Variants in CD4 observed in about 807,000 individuals in gnomAD.
CD4 encodes the protein CD4 molecule.
In CD4, 25 loss-of-function variants were observed where a neutral mutation model predicts 50.5. The observed-to-expected ratio is 0.49, with a 90% CI of 0.36 to 0.69. CD4 has a LOEUF of 0.69. Ranked by LOEUF, CD4 falls within the 30% of genes least tolerant of loss-of-function variation. CD4 has a pLI of 0.00. For synonymous variants in CD4, 207 were observed against 221.9 expected (o/e 0.93, Z 0.60); for missense variants, 456 against 548.5 (o/e 0.83, Z 1.68).
At chr12:6,807,474 A>G (rs1942799231) in intron 3 of CD4, among the ~76,000 whole-genome samples, 1 of 152,222 alleles carries the variant, frequency 6.6e-6, no homozygotes, top group Non-Finnish European at 1.5e-5. Context: ...AAAAGGTAAT[A>G]TACTGTATTA....
chr12:6,813,950 G>A (rs2137911555), intron 3 of CD4, 192 bp from the exon 4 acceptor site: 1 of 531,654 alleles, frequency 1.9e-6, no homozygotes, highest in Non-Finnish European at 3.4e-6. Flanking sequence ...TTGTATTTGT[G>A]AGCTACTGTC....
chr12:6,794,794 T>G (rs1050493372), intron 1 of CD4, among the ~76,000 whole-genome samples: 18 of 140,624 alleles, frequency 1.3e-4, no homozygotes, highest in Admixed American at 6.4e-4. Context: ...TTGTTTTTTT[T>G]TTTTTTTTGA....
In CD4 at chr12:6,800,475, G is replaced by A. The variant is rs2137860160; in HGVS notation, c.214+4G>A. The stretch of plus-strand genomic sequence containing the variant: ...CAGGGCTCCTTCTTAACTAAAGGTA[G>A]GGTTGCCTGGCTCCCCATCCAGGGA... On this transcript the variant is annotated splice_donor_region_variant and intron_variant, in intron 3 of 9. Coordinates refer to ENST00000011653, the MANE Select transcript of CD4 (RefSeq NM_000616.5). The A allele has an allele frequency of 1.2e-6, 2 of 1,610,168 alleles. No homozygotes were observed. The highest frequency in any genetic ancestry group is 2.7e-5 in the African/African-American group (2 of 74,752).
intron 3 of CD4, among the ~76,000 whole-genome samples, chr12:6,804,929 T>C (rs868915294): frequency 6.8e-6 from 1 of 148,126 alleles, no homozygotes; most frequent in Non-Finnish European, 1.5e-5. Context: ...GGCAGGAGAA[T>C]GGCGTGAACC....
At position 6,820,314 on chromosome 12, in the gene CD4, A is replaced by T. The variant is rs781782957; in HGVS notation, c.*985A>T. ...CCCGCTGGTGGCAGAATCTGTTACC[A>T]GAGGACAAAGCCTTTGGCTCTTCTA... On this transcript the variant is annotated 3_prime_UTR_variant, in exon 10 of 10. Coordinates refer to ENST00000011653, the MANE Select transcript of CD4 (RefSeq NM_000616.5). 2.0e-5 allele frequency: 3 copies of T among 152,398 alleles called. No individual in the cohort carries two copies. Among genetic ancestry groups the T allele is most frequent in the Admixed American group, 2.0e-4 (3 of 15,306 alleles). The allele number at this position is 152,398 out of a possible 1,614,324, so 9.4% of individuals were successfully genotyped here.
At chr12:6,793,700 C>T (rs1454391256) in intron 1 of CD4, among the ~76,000 whole-genome samples, 3 of 17,956 alleles carry the variant, frequency 1.7e-4, no homozygotes, top group Admixed American at 5.0e-4. Flanking sequence ...ATCTATCTAT[C>T]TATCTTTTTT....
chr12:6,813,795 G>C (rs1237992815), intron 3 of CD4, among the ~76,000 whole-genome samples: 1 of 152,138 alleles, frequency 6.6e-6, no homozygotes, highest in Non-Finnish European at 1.5e-5. Flanking sequence ...ATCTCTCTGA[G>C]TCTCAGTTTC....
In CD4 at chr12:6,816,435, G is replaced by C; in HGVS notation, c.955+32G>C. On this transcript the variant is annotated intron_variant, in intron 6 of 9. Coordinates refer to ENST00000011653, the MANE Select transcript of CD4 (RefSeq NM_000616.5). The surrounding 1 kb of genome is among the most constrained non-coding windows in gnomAD (Gnocchi z 4.9). The stretch of plus-strand genomic sequence containing the variant: ...GGCCAGGCCAGGGAGGGGTGGGCAG[G>C]GGAAGGAGTTGGAGGGGCCTGGCCC... 2 of 1,549,892 alleles carry C rather than the reference G, an allele frequency of 1.3e-6. No homozygotes were observed. The highest frequency in any genetic ancestry group is 1.8e-6 in the Non-Finnish European group (2 of 1,137,402).
In CD4 at chr12:6,818,863, T is replaced by C; in HGVS notation, c.1295T>C (p.Met432Thr). ...CRHRRRQAER[M>T]SQIKRLLSEK... is the part of the protein sequence containing the mutation. ...CCTGGACAGCGCCAAGCAGAGCGGA[T>C]GTCTCAGATCAAGAGACTCCTCAGT... Residue 432 changes from methionine (M) to threonine (T), a missense_variant, in exon 9 of 10, where the codon ATG becomes ACG. Met to Thr is a moderately conservative substitution (Grantham distance 81, BLOSUM62 -1). Transcript: ENST00000011653. The surrounding 1 kb of genome is among the most constrained non-coding windows in gnomAD (Gnocchi z 5.0). 6.2e-7 allele frequency: 1 copy of C among 1,613,008 alleles called. No homozygotes were observed. The highest frequency in any genetic ancestry group is 2.2e-5 in the East Asian group (1 of 44,810).
intron 5 of CD4, 114 bp from the exon 6 acceptor site, chr12:6,815,942 G>T: frequency 2.0e-6 from 3 of 1,534,660 alleles, no homozygotes; most frequent in Non-Finnish European, 2.6e-6. Flanking sequence ...CAAGGTGGGT[G>T]TCTGGACTCG....
intron 1 of CD4, among the ~76,000 whole-genome samples, chr12:6,795,117 T>TATCTATC (rs1223406386): frequency 6.6e-6 from 1 of 151,832 alleles, no homozygotes; most frequent in Non-Finnish European, 1.5e-5. Flanking sequence ...TCTATCTATC[T>TATCTATC]ATCTATCTAT....
At position 6,818,315 on chromosome 12, in the gene CD4, C is replaced by A; in HGVS notation, c.1157-106C>A. ...CAGGCACCCCTCCCCTCTCCCCCAA[C>A]CCCAGGGTCAAACCAGAGACTGGCC... is the stretch of plus-strand genomic sequence containing the variant. On this transcript the variant is annotated intron_variant, in intron 7 of 9. Coordinates refer to ENST00000011653, the MANE Select transcript of CD4 (RefSeq NM_000616.5). The surrounding 1 kb of genome is among the most constrained non-coding windows in gnomAD (Gnocchi z 5.0). 1.3e-5 allele frequency: 18 copies of A among 1,437,386 alleles called. No individual in the cohort carries two copies. The highest frequency in any genetic ancestry group is 2.3e-5 in the East Asian group (1 of 43,246). 89.0% of individuals were successfully genotyped at this position (1,437,386 alleles called of 1,614,324 possible).
chr12:6,797,923 GA>G (rs1942419853), intron 1 of CD4, among the ~76,000 whole-genome samples: 1 of 152,094 alleles, frequency 6.6e-6, no homozygotes, highest in South Asian at 2.1e-4. Context: ...CAACCGAATA[GA>G]GGCCTTCCTC....
At chr12:6,801,767 A>T (rs11837225) in intron 3 of CD4, among the ~76,000 whole-genome samples, 1 of 149,564 alleles carries the variant, frequency 6.7e-6, no homozygotes, top group Non-Finnish European at 1.5e-5. Context: ...TCACGGTGTT[A>T]GCCAGGCTGG....
chr12:6,797,028 C>T (rs924153745), intron 1 of CD4, among the ~76,000 whole-genome samples: 9 of 152,248 alleles, frequency 5.9e-5, no homozygotes, highest in Middle Eastern at 3.4e-3. Flanking sequence ...CAAACTTGAG[C>T]GTGATCAGTT....
rs782602611 is a variant in CD4 at position 6,800,350 on chromosome 12, C to T, written c.93C>T (p.Gly31=). ...AATQGKKVVL[G]KKGDTVELTC... ...CTCAGGGAAAGAAAGTGGTGCTGGG[C>T]AAAAAAGGGGATACAGTGGAACTGA... The change falls in exon 3 of 10, where the codon GGC becomes GGT. Residue 31 remains glycine (G), a synonymous_variant. Coordinates refer to ENST00000011653, the MANE Select transcript of CD4 (RefSeq NM_000616.5). 3.1e-6 allele frequency: 5 copies of T among 1,608,052 alleles called. No homozygotes were observed. The African/African-American group carries it at 6.7e-5, about 22-fold the overall frequency.
intron 1 of CD4, chr12:6,799,204 A>C (rs1232156959): frequency 2.6e-5 from 4 of 152,246 alleles, no homozygotes; most frequent in Non-Finnish European, 5.9e-5. Context: ...GCAAAGCAGC[A>C]AAAGTTTATT....
At chr12:6,790,068 G>T (rs1942109204) in intron 1 of CD4, among the ~76,000 whole-genome samples, 1 of 152,024 alleles carries the variant, frequency 6.6e-6, no homozygotes, top group African/African-American at 2.4e-5. Context: ...TGAAGAAGGG[G>T]AGGGAAAAAA....
chr12:6,807,725 T>C lies in CD4; in HGVS notation c.215-6417T>C, dbSNP rs150689076. ...CAGAGTAAACTGGATAGAGGGCACATAGGATTTCTCTGTATTACTTCTTAC... is the reference window on the plus strand; with the variant it reads ...CAGAGTAAACTGGATAGAGGGCACACAGGATTTCTCTGTATTACTTCTTAC... On this transcript the variant is annotated intron_variant, in intron 3 of 9. Transcript: ENST00000011653. Among the ~76,000 whole-genome samples the C allele has an allele frequency of 3.4e-3, 521 of 152,280 alleles. 6 individuals are homozygous for C. Among genetic ancestry groups the C allele is most frequent in the African/African-American group, 0.012 (478 of 41,546 alleles).
Sources: allele counts gnomAD v4.1 joint callset (sites outside exome capture counted in the v4.1 genomes callset), GRCh38; gene constraint gnomAD v4.1.1; non-coding constraint Gnocchi (gnomAD v3.1); transcripts MANE v1.5; gene names NCBI Gene and HGNC (gene_info 2026-07-23, HGNC 2026-07-21).